Variants in SINHCAF observed in about 807,000 individuals in gnomAD.
SINHCAF encodes the protein SIN3-HDAC complex-associated factor.
In SINHCAF, 3 loss-of-function variants were observed where a neutral mutation model predicts 25.8. The ratio of observed to expected loss-of-function variants is 0.12; its 90% CI spans 0.05 to 0.30. The LOEUF (loss-of-function observed/expected upper bound fraction) is 0.30, where lower values mean the gene tolerates loss of function less well. Ranked by LOEUF, SINHCAF falls within the 10% of genes least tolerant of loss-of-function variation. SINHCAF has a pLI of 1.00. For missense variants in SINHCAF, 121 were observed against 262.3 expected (o/e 0.46, Z 3.72); for synonymous variants, 70 against 85.5 (o/e 0.82, Z 1.00).
chr12:31,286,793 A>G (rs907897898), intron 5 of SINHCAF, among the ~76,000 whole-genome samples: 8 of 152,212 alleles, frequency 5.3e-5, no homozygotes, highest in South Asian at 4.1e-4. Flanking sequence ...TATCAAACTT[A>G]TATCAGCCTT....
rs192447530 is a variant in SINHCAF, at chr12:31,319,343, A to G, written c.-21+6681T>C. On this transcript the variant is annotated intron_variant, in intron 1 of 5. Transcript: ENST00000337682. ...GGAGTTCGAGACCAGTCTGGCTAAC[A>G]TGGTGAAACACCGTTTCTACTAAAA... Among the ~76,000 whole-genome samples the G allele has an allele frequency of 4.1e-3, 630 of 152,308 alleles. 7 individuals are homozygous for G. Among genetic ancestry groups the G allele is most frequent in the African/African-American group, 0.015 (612 of 41,572 alleles).
chr12:31,283,543 C>A (rs1592951551), intron 5 of SINHCAF, among the ~76,000 whole-genome samples: 1 of 151,876 alleles, frequency 6.6e-6, no homozygotes, highest in Non-Finnish European at 1.5e-5. Flanking sequence ...GTGGAGGTTG[C>A]AGTGAGCCGA....
intron 5 of SINHCAF, 68 bp downstream of exon 5, chr12:31,287,566 G>A: frequency 7.9e-7 from 1 of 1,263,112 alleles, no homozygotes; most frequent in South Asian, 1.9e-5. Context: ...TAATTGCTAA[G>A]GAAGTAGAAA....
chr12:31,300,928 G>A (rs956546995), intron 1 of SINHCAF, among the ~76,000 whole-genome samples: 1 of 152,082 alleles, frequency 6.6e-6, no homozygotes, highest in African/African-American at 2.4e-5. Context: ...AGCAAAAAAG[G>A]CCAGTTCATT....
chr12:31,293,976 C>T (rs1220281333), intron 3 of SINHCAF, 45 bp from the exon 4 acceptor site: 5 of 1,498,466 alleles, frequency 3.3e-6, no homozygotes, highest in Non-Finnish European at 3.6e-6. Context: ...TAAAATGACA[C>T]CAGTGTATCC....
At position 31,312,839 on chromosome 12, in the gene SINHCAF, C is replaced by G. The variant is rs1236115350; in HGVS notation, c.-21+13185G>C. Among the ~76,000 whole-genome samples the G allele has an allele frequency of 2.6e-5, 4 of 152,296 alleles. No homozygotes were observed. In the East Asian group the frequency reaches 5.8e-4, roughly 22 times the overall value. On this transcript the variant is annotated intron_variant, in intron 1 of 5. Coordinates refer to ENST00000337682, the MANE Select transcript of SINHCAF (RefSeq NM_001135812.2). ...CTGATTAAGAAATCTTTGCTTTCCT[C>G]CAGGTCGGGAAAATAATCTCCATTA...
At chr12:31,319,949 A>C (rs1046566392) in intron 1 of SINHCAF, among the ~76,000 whole-genome samples, 7 of 152,100 alleles carry the variant, frequency 4.6e-5, no homozygotes, top group Middle Eastern at 3.2e-3. Context: ...AAGCCAACTG[A>C]GCTCTTCCTT....
chr12:31,312,052 G>C (rs1939291171), intron 1 of SINHCAF: 1 of 546,896 alleles, frequency 1.8e-6, no homozygotes, highest in African/African-American at 1.9e-5. Context: ...GATGGTACCA[G>C]CAGTCTACAG....
Position 31,295,219 on chromosome 12 carries a change from GA to G in SINHCAF, c.228+14del. The G allele has an allele frequency of 6.5e-7, 1 of 1,537,736 alleles. No homozygotes were observed. The highest frequency in any genetic ancestry group is 1.1e-5 in the South Asian group (1 of 87,090). On this transcript the variant is annotated intron_variant, in intron 3 of 5. Coordinates refer to ENST00000337682, the MANE Select transcript of SINHCAF (RefSeq NM_001135812.2). ...CAGTAGAGGTATAATTGAGAAAAAA[GA>G]AAGATGGACTAACATGATTCCAGTT...
At chr12:31,286,405 T>C (rs1938067475) in intron 5 of SINHCAF, among the ~76,000 whole-genome samples, 1 of 152,188 alleles carries the variant, frequency 6.6e-6, no homozygotes, top group African/African-American at 2.4e-5. Flanking sequence ...CTCACGCCTA[T>C]AATCCCAACA....
At chr12:31,292,412 T>C (rs902666557) in intron 4 of SINHCAF, among the ~76,000 whole-genome samples, 1 of 151,928 alleles carries the variant, frequency 6.6e-6, no homozygotes, top group Non-Finnish European at 1.5e-5. Context: ...GGCACAAGAA[T>C]TGCTTGTACC....
rs1026044264 is a variant in SINHCAF at position 31,286,274 on chromosome 12, G to C, written c.506+1360C>G. Among the ~76,000 whole-genome samples, 3 of 151,470 alleles carry C rather than the reference G, an allele frequency of 2.0e-5. No individual in the cohort carries two copies. In the East Asian group the frequency reaches 5.8e-4, roughly 29 times the overall value. On this transcript the variant is annotated intron_variant, in intron 5 of 5. Coordinates refer to ENST00000337682, the MANE Select transcript of SINHCAF (RefSeq NM_001135812.2). ...AAAAGTTTCCTTCTATTCCTATTTT[G>C]CTAAAACTTTTTTTTTTTTAAACCT...
intron 4 of SINHCAF, among the ~76,000 whole-genome samples, chr12:31,291,775 GAA>G (rs745942006): frequency 1.6e-5 from 2 of 125,066 alleles, no homozygotes; most frequent in African/African-American, 2.9e-5. Flanking sequence ...CTCCATCTCA[GAA>G]AAAAAAAAAA....
In SINHCAF at chr12:31,295,416, T is replaced by C. The variant is rs1294015437; in HGVS notation, c.129-83A>G. The C allele has an allele frequency of 3.6e-6, 3 of 833,714 alleles. No individual in the cohort carries two copies. The African/African-American group carries it at 5.1e-5, about 14-fold the overall frequency. 51.6% of individuals were successfully genotyped at this position (833,714 alleles called of 1,614,324 possible). On this transcript the variant is annotated intron_variant, in intron 2 of 5. Coordinates refer to ENST00000337682, the MANE Select transcript of SINHCAF (RefSeq NM_001135812.2). ...AGCACATTTCTTTTGGGGAAAAAAC[T>C]GTATCTATGTATGGTTTATAGATAC...
intron 4 of SINHCAF, among the ~76,000 whole-genome samples, chr12:31,292,498 CAA>C (rs199891087): frequency 3.3e-5 from 4 of 122,318 alleles, no homozygotes; most frequent in Admixed American, 8.4e-5. Context: ...GACCCTGTTT[CAA>C]AAAAAAAAAA....
chr12:31,309,289 G>C (rs1939164387), intron 1 of SINHCAF, among the ~76,000 whole-genome samples: 1 of 152,128 alleles, frequency 6.6e-6, no homozygotes, highest in African/African-American at 2.4e-5. Flanking sequence ...TTGGTTCCTT[G>C]ACAAGGAAAA....
chr12:31,311,999 T>C, intron 1 of SINHCAF: 1 of 708,964 alleles, frequency 1.4e-6, no homozygotes, highest in South Asian at 1.3e-5. Flanking sequence ...GCTAGCTGTT[T>C]GACAAAGCTG....
chr12:31,281,445 TAC>T lies in SINHCAF; in HGVS notation c.*1265_*1266del. Reference sequence around the variant, plus strand: ...GCTAAAACAAGTCAAACACCCATTCTACACAGATAAAAACCTTCACAAAGGTC... The same window carrying T: ...GCTAAAACAAGTCAAACACCCATTCTACAGATAAAAACCTTCACAAAGGTC... On this transcript the variant is annotated 3_prime_UTR_variant, in exon 6 of 6. Transcript: ENST00000337682. The T allele has an allele frequency of 6.6e-6, 1 of 152,388 alleles. No individual in the cohort carries two copies. The highest frequency in any genetic ancestry group is 2.4e-5 in the African/African-American group (1 of 41,598). The allele number at this position is 152,388 out of a possible 1,614,324, so 9.4% of individuals were successfully genotyped here.
chr12:31,310,017 A>G (rs569509008), intron 1 of SINHCAF, among the ~76,000 whole-genome samples: 1 of 152,230 alleles, frequency 6.6e-6, no homozygotes, highest in African/African-American at 2.4e-5. Flanking sequence ...CCCCAATCCC[A>G]TGATTTCAGT....
Sources: allele counts gnomAD v4.1 joint callset (sites outside exome capture counted in the v4.1 genomes callset), GRCh38; gene constraint gnomAD v4.1.1; transcripts MANE v1.5; gene names NCBI Gene and HGNC (gene_info 2026-07-23, HGNC 2026-07-21).